PIP5K1C: variants seen among roughly 807,000 people sequenced by gnomAD.
The protein encoded by PIP5K1C is phosphatidylinositol 4-phosphate 5-kinase type-1 gamma.
PIP5K1C carries 45 observed loss-of-function variants against 80.1 expected under a neutral mutation model. The ratio of observed to expected loss-of-function variants is 0.56; its 90% confidence interval spans 0.44 to 0.72. The LOEUF (loss-of-function observed/expected upper bound fraction) is 0.72. Among genes scored for constraint, PIP5K1C ranks in the 30% least tolerant of loss-of-function variants. PIP5K1C has a pLI of 0.00. For missense variants in PIP5K1C, 753 were observed against 954.6 expected (o/e 0.79, Z 2.78); for synonymous variants, 498 against 420.1 (o/e 1.19, Z -2.27).
chr19:3,657,690 G>A (rs915669290), intron 5 of PIP5K1C, among the ~76,000 whole-genome samples: 1 of 151,976 alleles, frequency 6.6e-6, no homozygotes, highest in Admixed American at 6.6e-5. Flanking sequence ...AACACCTTGG[G>A]AGGCTGAGGA....
At chr19:3,665,601 C>A (rs1055711108) in intron 2 of PIP5K1C, among the ~76,000 whole-genome samples, 3 of 152,142 alleles carry the variant, frequency 2.0e-5, no homozygotes, top group African/African-American at 4.8e-5. Context: ...CTCACCAGGG[C>A]CCCTAACTGT....
At chr19:3,650,996 T>A (rs867748174) in intron 8 of PIP5K1C, among the ~76,000 whole-genome samples, 1 of 150,846 alleles carries the variant, frequency 6.6e-6, no homozygotes, top group Non-Finnish European at 1.5e-5. Context: ...CCTCAGATGA[T>A]CCACCTGCCT....
Position 3,664,879 on chromosome 19 carries a change from A to G in PIP5K1C, c.162T>C (p.His54=), listed in dbSNP as rs1568337840. The change falls in exon 3 of 18, where the codon CAT becomes CAC. Residue 54 remains histidine (H), a synonymous_variant. Coordinates refer to ENST00000335312, the MANE Select transcript of PIP5K1C (RefSeq NM_012398.3). ...LSMTAQPGPG[H]GKKLGHRGVD... ...CACCTCGATGGCCCAACTTCTTCCC[A>G]TGGCCAGGGCCCGGCTGTGCCGTCA... 4 of 1,612,858 alleles carry G rather than the reference A, an allele frequency of 2.5e-6. No homozygotes were observed. The highest frequency in any genetic ancestry group is 3.4e-6 in the Non-Finnish European group (4 of 1,179,840).
intron 4 of PIP5K1C, 59 bp downstream of exon 4, chr19:3,661,812 T>A (rs1600006387): frequency 3.1e-6 from 5 of 1,599,996 alleles, no homozygotes; most frequent in Non-Finnish European, 4.2e-6. Flanking sequence ...GACAGGCCAC[T>A]CCGCCTCAGA....
Position 3,700,344 on chromosome 19 carries a change from G to A in PIP5K1C, c.47C>T (p.Ala16Val), listed in dbSNP as rs1404374619. The A allele has an allele frequency of 2.3e-6, 3 of 1,294,874 alleles. No individual in the cohort carries two copies. The highest frequency in any genetic ancestry group is 3.0e-6 in the Non-Finnish European group (3 of 1,004,706). 80.2% of individuals were successfully genotyped at this position (1,294,874 alleles called of 1,614,324 possible). A position where few individuals can be genotyped will look rare whatever the true frequency, so the allele number is the denominator to read the frequency against. The change falls in exon 1 of 18, where the codon GCC (alanine) becomes GTC (valine). Residue 16 changes from alanine (A) to valine (V), a missense_variant. Physicochemically the swap from Ala to Val is moderately conservative, Grantham distance 64 (BLOSUM62 0). This residue lies in a region of PIP5K1C where 78 missense variants were observed against 67.1 expected (regional missense o/e 1.16). Transcript: ENST00000335312. ...CGCCCACGCCGCCTCCGAGGGCACG[G>A]CCCCCGCCTCAGCGCTCTCCGCCTC... ...PDEAESAEAG[A>V]VPSEAAWAAE... is the part of the protein sequence containing the mutation.
At chr19:3,691,417 G>A (rs572348819) in intron 1 of PIP5K1C, among the ~76,000 whole-genome samples, 29 of 152,264 alleles carry the variant, frequency 1.9e-4, no homozygotes, top group African/African-American at 5.3e-4. Flanking sequence ...ACACTGTGAC[G>A]TGCAGAGCAA....
chr19:3,657,278 G>GT (rs1310509375), intron 5 of PIP5K1C, among the ~76,000 whole-genome samples: 1 of 152,222 alleles, frequency 6.6e-6, no homozygotes, highest in Non-Finnish European at 1.5e-5. Context: ...GCAGGTGGAA[G>GT]TTTTTTTGTG....
chr19:3,686,958 C>G (rs754063634), intron 1 of PIP5K1C, among the ~76,000 whole-genome samples: 5 of 152,034 alleles, frequency 3.3e-5, no homozygotes, highest in Non-Finnish European at 7.4e-5. Context: ...TTTGGGAGGC[C>G]GAGGCAGGTG....
intron 1 of PIP5K1C, among the ~76,000 whole-genome samples, chr19:3,691,084 G>C (rs2035934124): frequency 6.6e-6 from 1 of 152,194 alleles, no homozygotes; most frequent in African/African-American, 2.4e-5. Flanking sequence ...TGCTCCCCTT[G>C]TGGAAACGCA....
chr19:3,696,217 C>T lies in PIP5K1C; in HGVS notation c.94+4080G>A, dbSNP rs2036096848. Among the ~76,000 whole-genome samples, 2 of 152,202 alleles carry T rather than the reference C, an allele frequency of 1.3e-5. No individual in the cohort carries two copies. Among genetic ancestry groups the T allele is most frequent in the South Asian group, 4.1e-4 (2 of 4,836 alleles). On this transcript the variant is annotated intron_variant, in intron 1 of 17. Transcript: ENST00000335312. The surrounding 1 kb of genome is among the most constrained non-coding windows in gnomAD (Gnocchi z 4.1). ...CTCGGATGCCACCTTCTTGGCAAGG[C>T]CTTCCCAGCCACCCCATTCTACCTT...
intron 15 of PIP5K1C, among the ~76,000 whole-genome samples, chr19:3,641,353 C>A (rs867610535): frequency 6.6e-6 from 1 of 152,182 alleles, no homozygotes; most frequent in Non-Finnish European, 1.5e-5. Context: ...CTTGCCTGGG[C>A]CCTGTGGACA....
At chr19:3,670,312 G>C (rs1053047391) in intron 1 of PIP5K1C, among the ~76,000 whole-genome samples, 1 of 152,224 alleles carries the variant, frequency 6.6e-6, no homozygotes, top group Non-Finnish European at 1.5e-5. Flanking sequence ...ATGTCATTGG[G>C]TAAGATGAGG....
chr19:3,648,388 A>G lies in PIP5K1C; in HGVS notation c.1211+237T>C, dbSNP rs2034316330. 6.6e-6 allele frequency among the ~76,000 whole-genome samples: 1 copy of G among 152,176 alleles called. No individual in the cohort carries two copies. The highest frequency in any genetic ancestry group is 1.5e-5 in the Non-Finnish European group (1 of 68,028). Reference sequence around the variant, plus strand: ...GCTCAAGAAGGGGCAGCCAAGCAAGAGCTTTCCAGGTTGAGGAAGCCCCGA... The same window carrying G: ...GCTCAAGAAGGGGCAGCCAAGCAAGGGCTTTCCAGGTTGAGGAAGCCCCGA... On this transcript the variant is annotated intron_variant, in intron 9 of 17. Transcript: ENST00000335312. This position sits in a 1 kb window ranked among gnomAD's most constrained non-coding sequence, Gnocchi z 4.3.
intron 1 of PIP5K1C, among the ~76,000 whole-genome samples, chr19:3,689,544 G>A (rs1047069912): frequency 6.6e-6 from 1 of 152,148 alleles, no homozygotes; most frequent in Non-Finnish European, 1.5e-5. Flanking sequence ...AGCTACTTGG[G>A]AGGCTGAGGC....
rs1338406081 is a variant in PIP5K1C at position 3,648,160 on chromosome 19, G to A, written c.1211+465C>T. ...CTGCCTCGGCCTCCCAAGTAGCTGGGACTGCAGGAGCACCACCACGCTCAG... is the reference window on the plus strand; with the variant it reads ...CTGCCTCGGCCTCCCAAGTAGCTGGAACTGCAGGAGCACCACCACGCTCAG... On this transcript the variant is annotated intron_variant, in intron 9 of 17. Coordinates refer to ENST00000335312, the MANE Select transcript of PIP5K1C (RefSeq NM_012398.3). The surrounding 1 kb of genome is among the most constrained non-coding windows in gnomAD (Gnocchi z 4.3). Among the ~76,000 whole-genome samples the A allele has an allele frequency of 1.3e-5, 2 of 151,726 alleles. No individual in the cohort carries two copies. The highest frequency in any genetic ancestry group is 3.9e-4 in the East Asian group (2 of 5,170).
chr19:3,637,788 C>T lies in PIP5K1C; in HGVS notation c.1920+1096G>A, dbSNP rs1012682028. On this transcript the variant is annotated intron_variant, in intron 16 of 17. Transcript: ENST00000335312. This position sits in a 1 kb window ranked among gnomAD's most constrained non-coding sequence, Gnocchi z 7.0. ...GCCGGGGCAGGGGCAGGACCGAGGACCCTTCTCCCTTCTCTGCTGCCCACC... is the reference window on the plus strand; with the variant it reads ...GCCGGGGCAGGGGCAGGACCGAGGATCCTTCTCCCTTCTCTGCTGCCCACC... 1.3e-6 allele frequency: 2 copies of T among 1,533,952 alleles called. No homozygotes were observed. Among genetic ancestry groups the T allele is most frequent in the African/African-American group, 1.4e-5 (1 of 72,964 alleles).
At chr19:3,654,022 G>C (rs1212357639) in intron 6 of PIP5K1C, among the ~76,000 whole-genome samples, 1 of 152,190 alleles carries the variant, frequency 6.6e-6, no homozygotes, top group Non-Finnish European at 1.5e-5. Context: ...ATTTTCTTGA[G>C]ACAGGGTCTC....
chr19:3,694,250 T>C (rs1450067871), intron 1 of PIP5K1C, among the ~76,000 whole-genome samples: 1 of 147,750 alleles, frequency 6.8e-6, no homozygotes, highest in African/African-American at 2.5e-5. Flanking sequence ...CAAAGGGAAG[T>C]CACTTGCTCA....
chr19:3,698,547 G>C (rs948779848), intron 1 of PIP5K1C, among the ~76,000 whole-genome samples: 3 of 152,230 alleles, frequency 2.0e-5, no homozygotes, highest in African/African-American at 7.2e-5. Flanking sequence ...TGCCCCCAGG[G>C]GACACTGAAC....
Sources: allele counts gnomAD v4.1 joint callset (sites outside exome capture counted in the v4.1 genomes callset), GRCh38; gene constraint gnomAD v4.1.1; regional missense constraint gnomAD v4.1.1; non-coding constraint Gnocchi (gnomAD v3.1); transcripts MANE v1.5; gene names NCBI Gene and HGNC (gene_info 2026-07-23, HGNC 2026-07-21).